SLC9A8: variants seen among roughly 807,000 people sequenced by gnomAD.
SLC9A8 encodes the protein solute carrier family 9 member A8.
Under a neutral mutation model 66.6 loss-of-function variants are expected in SLC9A8, and 48 were observed. The observed-to-expected ratio is 0.72, with a 90% CI of 0.57 to 0.92. The LOEUF is 0.92. Ranked by LOEUF, SLC9A8 falls within the 40% of genes least tolerant of loss-of-function variation. The probability of loss-of-function intolerance (pLI) is 0.00; values close to 1 mark genes in which losing one functional copy is unlikely to be tolerated. For missense variants in SLC9A8, 599 were observed against 747.3 expected, an observed-to-expected ratio of 0.80 and a Z score of 2.31; for synonymous variants, 274 against 282.6, an observed-to-expected ratio of 0.97 and a Z score of 0.31.
intron 3 of SLC9A8, chr20:49,830,412 C>T (rs781211291): frequency 1.2e-5 from 10 of 825,536 alleles, no homozygotes; most frequent in African/African-American, 3.3e-5. Context: ...CACTTTCGCC[C>T]GTGTGTTGGA....
rs542198665 is a variant in SLC9A8, at chr20:49,855,433, T to C, written c.570-5T>C. The C allele has an allele frequency of 7.6e-5, 122 of 1,613,976 alleles. 2 individuals are homozygous for C. The South Asian group carries it at 1.2e-3, about 16-fold the overall frequency. On this transcript the variant is annotated splice_polypyrimidine_tract_variant and splice_region_variant and intron_variant, in intron 7 of 15. Coordinates refer to ENST00000361573, the MANE Select transcript of SLC9A8 (RefSeq NM_015266.3). Reference sequence around the variant, plus strand: ...AGAATCTCCCCTTCCCTCTGTCTCTTACAGTTTTGCGTTTGGCTCCCTAAT... The same window carrying C: ...AGAATCTCCCCTTCCCTCTGTCTCTCACAGTTTTGCGTTTGGCTCCCTAAT...
At chr20:49,834,333 GTA>G (rs1229882653) in intron 3 of SLC9A8, among the ~76,000 whole-genome samples, 1,419 of 80,084 alleles carry the variant, frequency 0.018, 131 homozygotes, top group African/African-American at 0.038. Context: ...TATATACTGT[GTA>G]TATATATATA....
At chr20:49,816,777 G>A (rs2086564587) in intron 2 of SLC9A8, among the ~76,000 whole-genome samples, 1 of 151,858 alleles carries the variant, frequency 6.6e-6, no homozygotes, top group Non-Finnish European at 1.5e-5. Context: ...CGCCCAGGCT[G>A]GAGTGCAGTG....
intron 3 of SLC9A8, chr20:49,830,836 A>G (rs984049216): frequency 7.0e-7 from 1 of 1,432,310 alleles, no homozygotes; most frequent in Non-Finnish European, 9.8e-7. Flanking sequence ...ACACTCTTGG[A>G]CATCCTCAAT....
At chr20:49,834,167 CTCTCTCTCTCTCTCTCTCTATATATATA>C (rs1240871761) in intron 3 of SLC9A8, among the ~76,000 whole-genome samples, 32 of 57,790 alleles carry the variant, frequency 5.5e-4, no homozygotes, top group Non-Finnish European at 7.9e-4. Flanking sequence ...CTCTCTCTCT[CTCTCTCTCTCTCTCTCTCTATATATATA>C]TATATATATA....
chr20:49,831,520 C>A (rs2146513754), intron 3 of SLC9A8, among the ~76,000 whole-genome samples: 1 of 152,232 alleles, frequency 6.6e-6, no homozygotes, highest in Non-Finnish European at 1.5e-5. Context: ...TTATCTCAAA[C>A]CCCTTCCAGT....
chr20:49,849,563 C>G lies in SLC9A8; in HGVS notation c.433-16C>G, dbSNP rs6122838. The G allele has an allele frequency of 1.9e-6, 3 of 1,591,850 alleles. No individual in the cohort carries two copies. Among genetic ancestry groups the G allele is most frequent in the Middle Eastern group, 1.7e-4 (1 of 5,922 alleles). On this transcript the variant is annotated splice_polypyrimidine_tract_variant and intron_variant, in intron 5 of 15. Coordinates refer to ENST00000361573, the MANE Select transcript of SLC9A8 (RefSeq NM_015266.3). ...GCTTTTCTAATCATTTCCCTGATTT[C>G]TGCTCTTTCAAACAGGGTAACTTCT...
chr20:49,872,633 G>A (rs2089258401), intron 10 of SLC9A8, among the ~76,000 whole-genome samples: 1 of 152,126 alleles, frequency 6.6e-6, no homozygotes, highest in African/African-American at 2.4e-5. Flanking sequence ...TTACAGGCGT[G>A]TGCCACCATG....
At position 49,812,945 on chromosome 20, in the gene SLC9A8, A is replaced by G; in HGVS notation, c.23A>G (p.Glu8Gly). 1.4e-6 allele frequency: 2 copies of G among 1,448,084 alleles called. No homozygotes were observed. Among genetic ancestry groups the G allele is most frequent in the Non-Finnish European group, 1.8e-6 (2 of 1,101,780 alleles). 89.7% of individuals were successfully genotyped at this position (1,448,084 alleles called of 1,614,324 possible). Reference sequence around the variant, plus strand: ...AGGATGGGGGAGAAGATGGCGGAAGAGGAGTGAGTGGGCTTTTTCCCGGGC... The same window carrying G: ...AGGATGGGGGAGAAGATGGCGGAAGGGGAGTGAGTGGGCTTTTTCCCGGGC... MGEKMAEEERFPNTTHEG... is the reference protein window; with the variant it reads MGEKMAEGERFPNTTHEG... The change falls in exon 1 of 16, where the codon GAG (glutamate) becomes GGG (glycine). Residue 8 changes from glutamate (E) to glycine (G), a missense_variant. By Grantham distance (98) the Glu-to-Gly change is moderately conservative. Coordinates refer to ENST00000361573, the MANE Select transcript of SLC9A8 (RefSeq NM_015266.3).
intron 13 of SLC9A8, among the ~76,000 whole-genome samples, chr20:49,881,770 T>A (rs1230156714): frequency 6.6e-6 from 1 of 152,212 alleles, no homozygotes; most frequent in Non-Finnish European, 1.5e-5. Flanking sequence ...TATATGTACG[T>A]ATGTGTATAT....
chr20:49,832,392 A>C (rs2087242908), intron 3 of SLC9A8, among the ~76,000 whole-genome samples: 1 of 152,096 alleles, frequency 6.6e-6, no homozygotes, highest in South Asian at 2.1e-4. Flanking sequence ...GGTCTGGGAC[A>C]TCCTCGAGGC....
At chr20:49,849,828 T>A (rs2088174459) in intron 6 of SLC9A8, 148 bp downstream of exon 6, 2 of 662,444 alleles carry the variant, frequency 3.0e-6, no homozygotes, top group East Asian at 5.4e-5. Context: ...TAGCTTCATA[T>A]GAGGCACAGT....
intron 9 of SLC9A8, chr20:49,863,778 A>G (rs1224470711): frequency 1.3e-5 from 2 of 152,248 alleles, no homozygotes; most frequent in Non-Finnish European, 2.9e-5. Context: ...CATTATGTTT[A>G]AAATAGTAAC....
At chr20:49,831,020 A>C in intron 3 of SLC9A8, 1 of 739,654 alleles carries the variant, frequency 1.4e-6, no homozygotes, top group East Asian at 2.5e-5. Flanking sequence ...CCAGGTGTAC[A>C]AAAGAGCCAA....
intron 5 of SLC9A8, among the ~76,000 whole-genome samples, chr20:49,848,213 C>T (rs771249336): frequency 1.3e-5 from 2 of 152,042 alleles, no homozygotes; most frequent in African/African-American, 2.4e-5. Context: ...TTTGAGCCAC[C>T]GAGCCCAGTC....
intron 2 of SLC9A8, among the ~76,000 whole-genome samples, chr20:49,820,688 G>A (rs2086704641): frequency 1.3e-5 from 2 of 151,580 alleles, no homozygotes; most frequent in African/African-American, 4.8e-5. Context: ...CTGGGATTCA[G>A]GTGCGCACCA....
At position 49,891,409 on chromosome 20, in the gene SLC9A8, G is replaced by A. The variant is rs569575712; in HGVS notation, c.*3473G>A. On this transcript the variant is annotated 3_prime_UTR_variant, in exon 16 of 16. Transcript: ENST00000361573. ...CCTCCATCTCACAGTCAAGATAAAG[G>A]CCTCGAGAATAAAGAGCCAGCCCCC... 6.6e-6 allele frequency: 1 copy of A among 152,170 alleles called. No individual in the cohort carries two copies. Among genetic ancestry groups the A allele is most frequent in the African/African-American group, 2.4e-5 (1 of 41,402 alleles). The allele number at this position is 152,170 out of a possible 1,614,324, so 9.4% of individuals were successfully genotyped here.
chr20:49,854,856 T>C (rs1413071843), intron 7 of SLC9A8, among the ~76,000 whole-genome samples: 1 of 152,130 alleles, frequency 6.6e-6, no homozygotes, highest in African/African-American at 2.4e-5. Context: ...TCAGCACATA[T>C]CTGCTGGGGG....
At chr20:49,844,532 C>A (rs1196638847) in intron 4 of SLC9A8, among the ~76,000 whole-genome samples, 1 of 150,346 alleles carries the variant, frequency 6.7e-6, no homozygotes, top group African/African-American at 2.4e-5. Context: ...GCCTGTAATC[C>A]CAGCATTTGG....
Sources: allele counts gnomAD v4.1 joint callset (sites outside exome capture counted in the v4.1 genomes callset), GRCh38; gene constraint gnomAD v4.1.1; transcripts MANE v1.5; gene names NCBI Gene and HGNC (gene_info 2026-07-23, HGNC 2026-07-21).